Variants in PROS1 observed in about 807,000 individuals in gnomAD.
PROS1 encodes protein S.
Under a neutral mutation model 75.9 loss-of-function variants are expected in PROS1, and 29 were observed. The ratio of observed to expected loss-of-function variants is 0.38; its 90% CI spans 0.28 to 0.52. The LOEUF is 0.52. PROS1 is among the 20% of genes least tolerant of loss of function. The pLI is 0.83. For synonymous variants in PROS1, 245 were observed against 280.6 expected, an observed-to-expected ratio of 0.87 and a Z score of 1.27; for missense variants, 680 against 810.3, an observed-to-expected ratio of 0.84 and a Z score of 1.95.
At position 93,913,593 on chromosome 3, in the gene PROS1, T is replaced by A. The variant is rs139353611; in HGVS notation, c.260-2888A>T. ...AACATGAAAATGAACTAATACGCTTTCCCTTTGCCTTCCGCCATGATTCTA... is the reference window on the plus strand; with the variant it reads ...AACATGAAAATGAACTAATACGCTTACCCTTTGCCTTCCGCCATGATTCTA... On this transcript the variant is annotated intron_variant, in intron 3 of 14. Transcript: ENST00000394236. Among the ~76,000 whole-genome samples the A allele has an allele frequency of 2.4e-3, 365 of 152,326 alleles. 4 individuals are homozygous for A. The East Asian group carries it at 0.026, about 11-fold the overall frequency.
intron 3 of PROS1, among the ~76,000 whole-genome samples, chr3:93,919,468 G>A (rs141927621): frequency 0.012 from 1,747 of 143,750 alleles, 8 homozygotes; most frequent in Non-Finnish European, 0.019. Context: ...TTTTTCCTGC[G>A]GATTTGAAAA....
intron 1 of PROS1, among the ~76,000 whole-genome samples, chr3:93,959,486 C>T (rs1271290102): frequency 6.6e-6 from 1 of 152,186 alleles, no homozygotes; most frequent in Non-Finnish European, 1.5e-5. Flanking sequence ...CCTTCTCTGA[C>T]ATTTCCTCTT....
intron 1 of PROS1, among the ~76,000 whole-genome samples, chr3:93,962,600 T>C (rs1219364787): frequency 1.3e-5 from 2 of 152,212 alleles, no homozygotes; most frequent in Admixed American, 1.3e-4. Context: ...GTCTAAGACC[T>C]AATGTATGCT....
At chr3:93,881,323 A>AAAAC (rs943435780) in intron 12 of PROS1, among the ~76,000 whole-genome samples, 1 of 152,098 alleles carries the variant, frequency 6.6e-6, no homozygotes, top group South Asian at 2.1e-4. Context: ...CCCTGTCTCA[A>AAAAC]AAACAAACAA....
intron 1 of PROS1, among the ~76,000 whole-genome samples, chr3:93,950,041 C>T (rs948981652): frequency 3.9e-5 from 6 of 152,200 alleles, no homozygotes; most frequent in South Asian, 2.1e-4. Context: ...TATATCCCGC[C>T]CATGGCTCGG....
intron 1 of PROS1, among the ~76,000 whole-genome samples, chr3:93,960,999 AC>A (rs1408960774): frequency 2.0e-5 from 3 of 152,172 alleles, no homozygotes; most frequent in African/African-American, 7.2e-5. Context: ...AAAAAAAAAC[AC>A]TTTTCTAAAT....
chr3:93,955,297 T>C (rs1709580929), intron 1 of PROS1, among the ~76,000 whole-genome samples: 2 of 152,184 alleles, frequency 1.3e-5, no homozygotes, highest in Non-Finnish European at 2.9e-5. Flanking sequence ...TGCGGCACTA[T>C]TCACAATAGC....
chr3:93,907,524 C>A (rs9816345), intron 4 of PROS1, among the ~76,000 whole-genome samples: 6,938 of 152,244 alleles, frequency 0.046, 229 homozygotes, highest in Middle Eastern at 0.092. Flanking sequence ...GAGGGCTGAA[C>A]ACTTGATGGG....
At chr3:93,918,593 T>C (rs1708896107) in intron 3 of PROS1, among the ~76,000 whole-genome samples, 1 of 152,098 alleles carries the variant, frequency 6.6e-6, no homozygotes, top group South Asian at 2.1e-4. Context: ...CTTTAAGAAC[T>C]GTAACACTCA....
intron 1 of PROS1, among the ~76,000 whole-genome samples, chr3:93,960,475 TG>T (rs1709689244): frequency 6.7e-6 from 1 of 150,340 alleles, no homozygotes. Context: ...CGCGTCTGGC[TG>T]CGTTTGTCAC....
intron 1 of PROS1, among the ~76,000 whole-genome samples, chr3:93,949,835 G>T (rs1378193546): frequency 1.3e-5 from 2 of 152,176 alleles, no homozygotes; most frequent in Non-Finnish European, 2.9e-5. Context: ...ACTGGGACTT[G>T]TTGGACAGTG....
intron 1 of PROS1, among the ~76,000 whole-genome samples, chr3:93,937,786 G>A (rs1222328394): frequency 6.6e-6 from 1 of 152,074 alleles, no homozygotes; most frequent in Non-Finnish European, 1.5e-5. Flanking sequence ...CAGGTACTTA[G>A]TATAAAACAA....
chr3:93,950,298 C>T (rs1249341181), intron 1 of PROS1, among the ~76,000 whole-genome samples: 3 of 152,312 alleles, frequency 2.0e-5, no homozygotes, highest in South Asian at 4.1e-4. Flanking sequence ...CTTCTGCATA[C>T]TTAAGCATCC....
In PROS1 at chr3:93,927,377, A is replaced by G; in HGVS notation, c.107T>C (p.Leu36Pro). 2 of 1,614,160 alleles carry G rather than the reference A, an allele frequency of 1.2e-6. No individual in the cohort carries two copies. Among genetic ancestry groups the G allele is most frequent in the Non-Finnish European group, 1.7e-6 (2 of 1,180,022 alleles). The change falls in exon 2 of 15, where the codon CTG becomes CCG. Residue 36 changes from leucine (L) to proline (P), a missense_variant. Transcript: ENST00000394236. The part of the protein sequence containing the change: ...FLSKQQASQV[L>P]VRKRRANSLL... ...AGAATTTGCACGACGCTTCCTAACC[A>G]GGACTTGTGAAGCCTGTTGCTTTGA... is the stretch of plus-strand genomic sequence containing the variant.
chr3:93,934,879 G>A (rs1261800175), intron 1 of PROS1, among the ~76,000 whole-genome samples: 2 of 151,912 alleles, frequency 1.3e-5, no homozygotes, highest in South Asian at 2.1e-4. Context: ...GAAGTGAAAC[G>A]GACCTCTCCT....
intron 1 of PROS1, among the ~76,000 whole-genome samples, chr3:93,963,851 T>C (rs1269640208): frequency 6.6e-6 from 1 of 152,094 alleles, no homozygotes; most frequent in African/African-American, 2.4e-5. Flanking sequence ...AGGCACCACC[T>C]CCTACAATGG....
intron 3 of PROS1, 195 bp from the exon 4 acceptor site, chr3:93,910,900 A>G: frequency 1.7e-6 from 1 of 572,386 alleles, no homozygotes; most frequent in Non-Finnish European, 3.2e-6. Context: ...ATGGCAACAG[A>G]TACAGAAACA....
Position 93,892,940 on chromosome 3 carries a change from C to G in PROS1, c.1148G>C (p.Trp383Ser). The stretch of plus-strand genomic sequence containing the variant: ...TGAAATCTGCAAACGTACCATATTC[C>G]ATAGACCATTATTAATAACATCACC... ...TGGDVINNGL[W>S]NMVSVEELEH... Residue 383 changes from tryptophan to serine, a missense_variant, in exon 10 of 15, where the codon TGG becomes TCG. Trp to Ser is a radical substitution (Grantham distance 177). Transcript: ENST00000394236. 1 of 1,610,816 alleles carries G rather than the reference C, an allele frequency of 6.2e-7. No homozygotes were observed. The highest frequency in any genetic ancestry group is 8.5e-7 in the Non-Finnish European group (1 of 1,178,722).
At chr3:93,889,819 A>C (rs1160237672) in intron 10 of PROS1, among the ~76,000 whole-genome samples, 1 of 152,190 alleles carries the variant, frequency 6.6e-6, no homozygotes. Flanking sequence ...TTAACTGTAC[A>C]AATTGATTGT....
Sources: allele counts gnomAD v4.1 joint callset (sites outside exome capture counted in the v4.1 genomes callset), GRCh38; gene constraint gnomAD v4.1.1; transcripts MANE v1.5; gene names NCBI Gene and HGNC (gene_info 2026-07-23, HGNC 2026-07-21).